The following PTPRG variants were observed in gnomAD, a reference collection of about 807,000 sequenced individuals.
PTPRG encodes the protein protein tyrosine phosphatase receptor type G.
PTPRG carries 102 observed loss-of-function variants against 165.3 expected under a neutral mutation model. The observed-to-expected ratio is 0.62, with a 90% CI of 0.53 to 0.73. PTPRG has a LOEUF of 0.73. PTPRG is among the 30% of genes least tolerant of loss of function. The pLI is 0.00. For missense variants in PTPRG, 1,866 were observed against 1,861.4 expected (o/e 1.00, Z -0.05); for synonymous variants, 675 against 669.5 (o/e 1.01, Z -0.13).
At chr3:61,674,295 C>T (rs1168014016) in intron 1 of PTPRG, among the ~76,000 whole-genome samples, 1 of 151,740 alleles carries the variant, frequency 6.6e-6, no homozygotes, top group African/African-American at 2.4e-5. Context: ...TCTCCAGCTC[C>T]CCGCTCTTTC....
At chr3:61,891,182 G>T (rs558961672) in intron 2 of PTPRG, among the ~76,000 whole-genome samples, 4 of 152,106 alleles carry the variant, frequency 2.6e-5, no homozygotes, top group Non-Finnish European at 5.9e-5. Context: ...GCCAGGCGTT[G>T]TGGCATGCGC....
At position 61,844,599 on chromosome 3, in the gene PTPRG, A is replaced by G. The variant is rs181362622; in HGVS notation, c.190+95617A>G. Among the ~76,000 whole-genome samples the G allele has an allele frequency of 2.7e-4, 41 of 151,384 alleles. No individual in the cohort carries two copies. The East Asian group carries it at 7.4e-3, about 27-fold the overall frequency. ...CATAGCTTAGTGTAGCCTTGAACTC[A>G]TGGGCTCAAGTAATCCTCCCAAGTT... On this transcript the variant is annotated intron_variant, in intron 2 of 29. Coordinates refer to ENST00000474889, the MANE Select transcript of PTPRG (RefSeq NM_002841.4).
chr3:62,010,417 G>C (rs1222438048), intron 4 of PTPRG, among the ~76,000 whole-genome samples: 1 of 147,486 alleles, frequency 6.8e-6, no homozygotes, highest in African/African-American at 2.6e-5. Flanking sequence ...TAATATCACT[G>C]TTTTGGAAAT....
chr3:61,966,791 T>C (rs1186318208), intron 2 of PTPRG, among the ~76,000 whole-genome samples: 3 of 152,232 alleles, frequency 2.0e-5, no homozygotes, highest in African/African-American at 7.2e-5. Context: ...GAAGCGGATC[T>C]AGTTGGATTT....
At chr3:62,000,096 A>C (rs1310474383) in intron 3 of PTPRG, among the ~76,000 whole-genome samples, 2 of 152,094 alleles carry the variant, frequency 1.3e-5, no homozygotes, top group Non-Finnish European at 2.9e-5. Flanking sequence ...TGAGGTCAGG[A>C]GTTCGAGACC....
intron 1 of PTPRG, among the ~76,000 whole-genome samples, chr3:61,632,238 G>GGA (rs1163790982): frequency 6.6e-6 from 1 of 152,166 alleles, no homozygotes; most frequent in Admixed American, 6.5e-5. Flanking sequence ...AGCCTGGGGA[G>GGA]GTCAAGGCTG....
intron 4 of PTPRG, among the ~76,000 whole-genome samples, chr3:62,054,273 G>A (rs775909555): frequency 1.3e-5 from 2 of 152,188 alleles, no homozygotes; most frequent in Non-Finnish European, 1.5e-5. Flanking sequence ...CTCCTGGTAG[G>A]CCTGAAGTAA....
At chr3:61,761,793 C>G (rs1463877999) in intron 2 of PTPRG, among the ~76,000 whole-genome samples, 1 of 152,142 alleles carries the variant, frequency 6.6e-6, no homozygotes, top group African/African-American at 2.4e-5. Context: ...GGAAAACAAC[C>G]TTCTTCTTAA....
chr3:62,033,445 C>G (rs1699836725), intron 4 of PTPRG, among the ~76,000 whole-genome samples: 1 of 149,010 alleles, frequency 6.7e-6, no homozygotes, highest in Non-Finnish European at 1.5e-5. Flanking sequence ...CTCACTGCAA[C>G]CTCAACCTCC....
At chr3:62,152,853 A>G (rs1453781037) in intron 6 of PTPRG, among the ~76,000 whole-genome samples, 1 of 152,122 alleles carries the variant, frequency 6.6e-6, no homozygotes, top group East Asian at 1.9e-4. Context: ...CCCACCCCCA[A>G]CACTTGTGTT....
intron 4 of PTPRG, among the ~76,000 whole-genome samples, chr3:62,072,871 C>T (rs1038880027): frequency 6.6e-6 from 1 of 152,050 alleles, no homozygotes; most frequent in African/African-American, 2.4e-5. Context: ...ACTAAGTCTT[C>T]GAATAACCTT....
chr3:62,163,979 A>G (rs1262010420), intron 7 of PTPRG, among the ~76,000 whole-genome samples: 1 of 152,340 alleles, frequency 6.6e-6, no homozygotes, highest in East Asian at 1.9e-4. Context: ...ACCATTAAGG[A>G]TGGGAGGCTG....
chr3:61,711,576 A>T (rs1019708993), intron 1 of PTPRG, among the ~76,000 whole-genome samples: 4 of 152,216 alleles, frequency 2.6e-5, no homozygotes, highest in African/African-American at 4.8e-5. Flanking sequence ...TCTTTTGAGA[A>T]GTGTCTGTTC....
chr3:62,022,219 GACC>G (rs2041711982), intron 4 of PTPRG, among the ~76,000 whole-genome samples: 2 of 152,048 alleles, frequency 1.3e-5, no homozygotes, highest in African/African-American at 4.8e-5. Flanking sequence ...TGTTATAGGT[GACC>G]TATTTACATT....
At chr3:61,841,667 T>C (rs2036637264) in intron 2 of PTPRG, among the ~76,000 whole-genome samples, 1 of 151,880 alleles carries the variant, frequency 6.6e-6, no homozygotes, top group South Asian at 2.1e-4. Context: ...TGTGCTTCTG[T>C]CCACTGGCAA....
At chr3:62,013,530 T>G (rs562978869) in intron 4 of PTPRG, among the ~76,000 whole-genome samples, 1 of 152,324 alleles carries the variant, frequency 6.6e-6, no homozygotes, top group Admixed American at 6.5e-5. Flanking sequence ...ATGTATTGTA[T>G]GCAGTATTCA....
intron 4 of PTPRG, among the ~76,000 whole-genome samples, chr3:62,015,044 A>G (rs558837037): frequency 2.0e-5 from 3 of 152,198 alleles, no homozygotes; most frequent in Non-Finnish European, 4.4e-5. Context: ...GGAAACCCCA[A>G]ATAGTTCAGT....
intron 2 of PTPRG, chr3:61,769,738 A>C (rs952657870): frequency 6.6e-6 from 1 of 152,218 alleles, no homozygotes; most frequent in Non-Finnish European, 1.5e-5. Flanking sequence ...AGAAGAGGAA[A>C]AAAACTGGGC....
At chr3:61,984,488 A>G (rs1223419623) in intron 2 of PTPRG, among the ~76,000 whole-genome samples, 9 of 152,190 alleles carry the variant, frequency 5.9e-5, no homozygotes, top group Non-Finnish European at 1.2e-4. Context: ...CTATCATGCC[A>G]TAGACACGGC....
Sources: gnomAD v4.1 joint callset for allele counts (sites outside exome capture counted in the v4.1 genomes callset) on GRCh38, gnomAD v4.1.1 for gene constraint, MANE v1.5 for transcripts, NCBI Gene and HGNC (gene_info 2026-07-23, HGNC 2026-07-21) for gene names.